THSD7B: variants seen among roughly 807,000 people sequenced by gnomAD.
THSD7B encodes thrombospondin type 1 domain containing 7B.
A neutral mutation model predicts 213.6 loss-of-function variants in THSD7B; 138 were observed. The observed-to-expected ratio is 0.65, with a 90% CI of 0.56 to 0.74. The LOEUF is 0.74. THSD7B is among the 30% of genes least tolerant of loss of function. The probability of loss-of-function intolerance (pLI) is 0.00; values close to 1 mark genes in which losing one functional copy is unlikely to be tolerated. For synonymous variants in THSD7B, 742 were observed against 687.0 expected (o/e 1.08, Z -1.25); for missense variants, 1,931 against 1,991.5 (o/e 0.97, Z 0.58).
chr2:136,768,748 G>C (rs1474548089), intron 1 of THSD7B, among the ~76,000 whole-genome samples: 1 of 152,178 alleles, frequency 6.6e-6, no homozygotes, highest in Non-Finnish European at 1.5e-5. Flanking sequence ...TAGATATGCT[G>C]TTGGATTTTT....
At chr2:137,096,953 G>T (rs956055241) in intron 4 of THSD7B, among the ~76,000 whole-genome samples, 3 of 152,280 alleles carry the variant, frequency 2.0e-5, no homozygotes, top group South Asian at 2.1e-4. Flanking sequence ...AGGTGTATTT[G>T]TTTCCTCCAG....
intron 20 of THSD7B, among the ~76,000 whole-genome samples, chr2:137,632,184 C>T (rs1573754928): frequency 6.6e-6 from 1 of 151,946 alleles, no homozygotes; most frequent in African/African-American, 2.4e-5. Flanking sequence ...GGGTTGCATG[C>T]TATATCACTA....
rs540727467 is a variant in THSD7B, at chr2:137,006,688, C to T, written c.140-49732C>T. On this transcript the variant is annotated intron_variant, in intron 2 of 27. Coordinates refer to ENST00000409968, the MANE Select transcript of THSD7B (RefSeq NM_001316349.2). ...AAATATTTAGCTCAGCCCAAGTTAA[C>T]GCTGCAACAAATTTGAATTAATTGA... 7.9e-5 allele frequency among the ~76,000 whole-genome samples: 12 copies of T among 152,236 alleles called. No homozygotes were observed. The East Asian group carries it at 1.7e-3, about 22-fold the overall frequency.
At chr2:137,631,386 TA>T (rs143402403) in intron 20 of THSD7B, among the ~76,000 whole-genome samples, 3,245 of 152,312 alleles carry the variant, frequency 0.021, 70 homozygotes, top group South Asian at 0.067. Flanking sequence ...AGAATGTTAT[TA>T]AATCCAGACT....
chr2:137,244,890 T>G (rs1681990995), intron 10 of THSD7B, among the ~76,000 whole-genome samples: 1 of 152,202 alleles, frequency 6.6e-6, no homozygotes, highest in Non-Finnish European at 1.5e-5. Context: ...GGAAATTGTA[T>G]CTATAAGCCT....
chr2:136,777,669 G>A (rs1191983568), intron 1 of THSD7B, among the ~76,000 whole-genome samples: 1 of 152,164 alleles, frequency 6.6e-6, no homozygotes, highest in African/African-American at 2.4e-5. Context: ...TTTAGACAAG[G>A]AAAACGAGTA....
intron 1 of THSD7B, among the ~76,000 whole-genome samples, chr2:136,789,506 T>C (rs913520926): frequency 6.6e-6 from 1 of 152,132 alleles, no homozygotes; most frequent in Non-Finnish European, 1.5e-5. Flanking sequence ...ATTATTCTTT[T>C]CTAGCTATTT....
chr2:136,953,971 G>A (rs1025501225), intron 2 of THSD7B, among the ~76,000 whole-genome samples: 1 of 152,092 alleles, frequency 6.6e-6, no homozygotes, highest in Non-Finnish European at 1.5e-5. Context: ...ATAGTTATTT[G>A]CCCCAAGATT....
rs370275074 is a variant in THSD7B at position 137,351,557 on chromosome 2, A to C, written c.2501-54056A>C. Among the ~76,000 whole-genome samples, 11 of 152,094 alleles carry C rather than the reference A, an allele frequency of 7.2e-5. No individual in the cohort carries two copies. The South Asian group carries it at 1.4e-3, about 20-fold the overall frequency. ...CTAAATAGAAAATAGAGGTCTGATAAAATGAAGCAATCGATGAGTGACCCT... is the reference window on the plus strand; with the variant it reads ...CTAAATAGAAAATAGAGGTCTGATACAATGAAGCAATCGATGAGTGACCCT... On this transcript the variant is annotated intron_variant, in intron 12 of 27. Coordinates refer to ENST00000409968, the MANE Select transcript of THSD7B (RefSeq NM_001316349.2).
At chr2:137,309,856 A>G (rs1161910769) in intron 12 of THSD7B, among the ~76,000 whole-genome samples, 1 of 152,124 alleles carries the variant, frequency 6.6e-6, no homozygotes, top group Non-Finnish European at 1.5e-5. Context: ...TTATGGCTGC[A>G]TAGTATTCCA....
chr2:136,902,887 G>A (rs1175598286), intron 2 of THSD7B, among the ~76,000 whole-genome samples: 3 of 152,200 alleles, frequency 2.0e-5, no homozygotes, highest in African/African-American at 7.2e-5. Context: ...ATGCACATGG[G>A]AGGAAACTTC....
chr2:137,425,820 A>T (rs2105032413), intron 14 of THSD7B, among the ~76,000 whole-genome samples: 1 of 152,314 alleles, frequency 6.6e-6, no homozygotes, highest in Non-Finnish European at 1.5e-5. Context: ...TTAACATAGT[A>T]CTAGAAATCC....
At chr2:136,934,389 T>C (rs953705161) in intron 2 of THSD7B, among the ~76,000 whole-genome samples, 4 of 152,202 alleles carry the variant, frequency 2.6e-5, no homozygotes, top group African/African-American at 9.6e-5. Flanking sequence ...ATAAAGACTT[T>C]GTTTAGGTAT....
At chr2:137,197,690 A>G (rs536397897) in intron 7 of THSD7B, among the ~76,000 whole-genome samples, 1 of 152,200 alleles carries the variant, frequency 6.6e-6, no homozygotes, top group Non-Finnish European at 1.5e-5. Flanking sequence ...GAGGACAGAA[A>G]GAATCCATTC....
rs768714043 is a variant in THSD7B at position 137,115,259 on chromosome 2, C to T, written c.1335C>T (p.Ser445=). 1.6e-5 allele frequency: 26 copies of T among 1,603,068 alleles called. No homozygotes were observed. Among genetic ancestry groups the T allele is most frequent in the East Asian group, 4.5e-5 (2 of 44,588 alleles). Residue 445 remains serine, a synonymous_variant, in exon 5 of 28, where the codon AGC becomes AGT. Coordinates refer to ENST00000409968, the MANE Select transcript of THSD7B (RefSeq NM_001316349.2). Reference sequence around the variant, plus strand: ...CCCGGGAGGTGTACTGTGCCCAGAGCGTACCAGCAGCTGCCGCACTGAGGG... The same window carrying T: ...CCCGGGAGGTGTACTGTGCCCAGAGTGTACCAGCAGCTGCCGCACTGAGGG... ...IQTREVYCAQ[S]VPAAAALRAK... is the part of the protein sequence containing the mutation.
At chr2:137,353,996 CT>C (rs1389392557) in intron 12 of THSD7B, among the ~76,000 whole-genome samples, 1 of 152,058 alleles carries the variant, frequency 6.6e-6, no homozygotes, top group Non-Finnish European at 1.5e-5. Flanking sequence ...CCAGCTGAGT[CT>C]GATGTCTGAT....
At chr2:137,657,278 G>T (rs556254131) in intron 24 of THSD7B, 118 bp downstream of exon 24, 3 of 865,246 alleles carry the variant, frequency 3.5e-6, no homozygotes, top group African/African-American at 1.7e-5. Flanking sequence ...TAGCTTAGAT[G>T]AATTTTATTA....
Position 137,206,001 on chromosome 2 carries a change from C to T in THSD7B, c.1724-25043C>T, listed in dbSNP as rs151085468. On this transcript the variant is annotated intron_variant, in intron 7 of 27. Transcript: ENST00000409968. ...AAGTATATTCACATACAAATCTCTG[C>T]CTTTTCTGACAAAAAAATAGTTTAT... Among the ~76,000 whole-genome samples the T allele has an allele frequency of 6.5e-3, 983 of 151,410 alleles. 12 individuals are homozygous for T. The highest frequency in any genetic ancestry group is 0.022 in the African/African-American group (903 of 41,298).
At chr2:137,129,142 T>G (rs1012504063) in intron 5 of THSD7B, among the ~76,000 whole-genome samples, 1 of 152,162 alleles carries the variant, frequency 6.6e-6, no homozygotes, top group African/African-American at 2.4e-5. Flanking sequence ...AAGAAGAAGA[T>G]AATTATTTTC....
Sources: gnomAD v4.1 joint callset for allele counts (sites outside exome capture counted in the v4.1 genomes callset) on GRCh38, gnomAD v4.1.1 for gene constraint, MANE v1.5 for transcripts, NCBI Gene and HGNC (gene_info 2026-07-23, HGNC 2026-07-21) for gene names.